Variants in DCP1A observed in about 807,000 individuals in gnomAD.
DCP1A encodes mRNA-decapping enzyme 1A.
A neutral mutation model predicts 58.0 loss-of-function variants in DCP1A; 20 were observed. That is an observed-to-expected ratio of 0.34 (90% CI 0.24 to 0.50). The LOEUF (loss-of-function observed/expected upper bound fraction) is 0.50. DCP1A is among the 20% of genes least tolerant of loss of function. DCP1A has a pLI of 0.98. For synonymous variants in DCP1A, 285 were observed against 275.1 expected, an observed-to-expected ratio of 1.04 and a Z score of -0.36; for missense variants, 613 against 712.2, an observed-to-expected ratio of 0.86 and a Z score of 1.59.
In DCP1A at chr3:53,342,200, T is replaced by C; in HGVS notation, c.248A>G (p.Asn83Ser). ...ATGGAGCTGAAATTCCAAATCTTTA[T>C]TCACTGGTTCAACTAGATTGTGCAT... is the stretch of plus-strand genomic sequence containing the variant. ...LNMHNLVEPV[N>S]KDLEFQLHEP... The change falls in exon 3 of 10, where the codon AAT becomes AGT. Residue 83 changes from asparagine to serine, a missense_variant. By Grantham distance (46) the Asn-to-Ser change is conservative. This residue lies in a region of DCP1A where 65 missense variants were observed against 118.5 expected (regional missense o/e 0.55). Transcript: ENST00000610213. 14 of 1,603,896 alleles carry C rather than the reference T, an allele frequency of 8.7e-6. No homozygotes were observed. The highest frequency in any genetic ancestry group is 1.2e-5 in the Non-Finnish European group (14 of 1,173,810).
In DCP1A at chr3:53,304,164, T is replaced by C. The variant is rs1022414666; in HGVS notation, c.624+13A>G. 6.3e-7 allele frequency: 1 copy of C among 1,579,556 alleles called. No homozygotes were observed. Among genetic ancestry groups the C allele is most frequent in the East Asian group, 2.2e-5 (1 of 44,690 alleles). On this transcript the variant is annotated intron_variant, in intron 6 of 9. Transcript: ENST00000610213. Reference sequence around the variant, plus strand: ...GTTACTTAGGACAAAGCTAGAGCTTTAGCTGTACAAACCTTATCCTGTGAC... The same window carrying C: ...GTTACTTAGGACAAAGCTAGAGCTTCAGCTGTACAAACCTTATCCTGTGAC...
At chr3:53,324,090 T>C (rs77413676) in intron 3 of DCP1A, among the ~76,000 whole-genome samples, 21,232 of 152,150 alleles carry the variant, frequency 0.14, 1,670 homozygotes, top group Non-Finnish European at 0.18. Flanking sequence ...TTTGAAAAAA[T>C]ACAATATAAT....
intron 4 of DCP1A, among the ~76,000 whole-genome samples, chr3:53,314,176 G>A (rs571933829): frequency 6.6e-6 from 1 of 152,132 alleles, no homozygotes. Context: ...TTATAGACAT[G>A]AGCCACCACA....
chr3:53,322,610 G>A (rs1048339760), intron 3 of DCP1A, among the ~76,000 whole-genome samples: 4 of 151,932 alleles, frequency 2.6e-5, no homozygotes, highest in Admixed American at 2.6e-4. Flanking sequence ...TCATGAACAA[G>A]AATTTTTTTT....
In DCP1A at chr3:53,346,753, T is replaced by C. The variant is rs138363289; in HGVS notation, c.135+630A>G. Among the ~76,000 whole-genome samples the C allele has an allele frequency of 3.4e-3, 519 of 152,186 alleles. 2 individuals carry two copies. The highest frequency in any genetic ancestry group is 0.011 in the African/African-American group (476 of 41,524). ...TGGAACAAAACACATTTACAGGGTC[T>C]CTCTTGTTTGTACAAAGGTCTTCGG... On this transcript the variant is annotated intron_variant, in intron 1 of 9. Transcript: ENST00000610213.
Position 53,287,561 on chromosome 3 carries a change from TAG to T in DCP1A, c.*17_*18del, listed in dbSNP as rs1553685274. ...GTCTCTGAGGCTGGGGCTCTGCCTT[TAG>T]ACTTATTCTGCTCCAGTCATAGGTT... On this transcript the variant is annotated 3_prime_UTR_variant, in exon 10 of 10. Coordinates refer to ENST00000610213, the MANE Select transcript of DCP1A (RefSeq NM_018403.7). The T allele has an allele frequency of 2.5e-6, 4 of 1,569,814 alleles. No individual in the cohort carries two copies. The highest frequency in any genetic ancestry group is 3.5e-6 in the Non-Finnish European group (4 of 1,140,070).
In DCP1A at chr3:53,347,505, T is replaced by G; in HGVS notation, c.13A>C (p.Ser5Arg). 6.2e-7 allele frequency: 1 copy of G among 1,612,104 alleles called. No homozygotes were observed. The highest frequency in any genetic ancestry group is 2.2e-5 in the East Asian group (1 of 44,668). ...AGGCTCATCTCCTGCCCAGCTCGAC[T>G]CAGCGCCTCCATCTTGAATCCCAGA... MEAL[S>R]RAGQEMSLAA... Residue 5 changes from serine to arginine, a missense_variant, in exon 1 of 10, where the codon AGT becomes CGT. Around this residue, in one of 3 missense-constraint regions of DCP1A, gnomAD observed 50 missense variants for 37.0 expected, o/e 1.35. Transcript: ENST00000610213.
chr3:53,317,455 G>C (rs1182130821), intron 4 of DCP1A, among the ~76,000 whole-genome samples: 2 of 152,130 alleles, frequency 1.3e-5, no homozygotes, highest in Admixed American at 1.3e-4. Context: ...GTGAGCCACC[G>C]CGCCCAGCCA....
In DCP1A at chr3:53,328,324, T is replaced by C. The variant is rs144697883; in HGVS notation, c.305-8851A>G. Among the ~76,000 whole-genome samples the C allele has an allele frequency of 2.1e-4, 32 of 152,306 alleles. 1 individual carries two copies. The highest frequency in any genetic ancestry group is 1.5e-3 in the East Asian group (8 of 5,180). On this transcript the variant is annotated intron_variant, in intron 3 of 9. Coordinates refer to ENST00000610213, the MANE Select transcript of DCP1A (RefSeq NM_018403.7). ...ATTTTTACCTACACAGATAACTTCA[T>C]TGTGTAAACAGAAGGTGAAAACCTA...
chr3:53,290,150 A>C (rs1706801115), intron 8 of DCP1A, among the ~76,000 whole-genome samples: 1 of 152,114 alleles, frequency 6.6e-6, no homozygotes, highest in Non-Finnish European at 1.5e-5. Flanking sequence ...GCTAAAAAAA[A>C]ACCTGTGTGC....
chr3:53,306,894 G>C (rs1707492525), intron 5 of DCP1A, among the ~76,000 whole-genome samples: 1 of 149,192 alleles, frequency 6.7e-6, no homozygotes, highest in South Asian at 2.1e-4. Context: ...TTTTTTTGTA[G>C]AGATGGGACT....
At chr3:53,301,363 C>T (rs758762851) in intron 6 of DCP1A, among the ~76,000 whole-genome samples, 12 of 151,866 alleles carry the variant, frequency 7.9e-5, no homozygotes, top group Non-Finnish European at 1.5e-4. Flanking sequence ...CCTTTGCCTC[C>T]CAGGTTCAAG....
At chr3:53,341,603 T>G (rs1189088298) in intron 3 of DCP1A, among the ~76,000 whole-genome samples, 5 of 152,188 alleles carry the variant, frequency 3.3e-5, no homozygotes, top group African/African-American at 1.2e-4. Flanking sequence ...AACAAAGGCA[T>G]AAACCTTATT....
Position 53,287,425 on chromosome 3 carries a change from G to A in DCP1A, c.*155C>T, listed in dbSNP as rs35103194. On this transcript the variant is annotated 3_prime_UTR_variant, in exon 10 of 10. Transcript: ENST00000610213. ...ACAGTGAAACCTCCATTATCACTGA[G>A]AATGTCACTTGGAAAACATTCTTAA... 2.0e-4 allele frequency: 55 copies of A among 281,744 alleles called. No individual in the cohort carries two copies. The highest frequency in any genetic ancestry group is 3.6e-4 in the Non-Finnish European group (54 of 148,878). The allele number at this position is 281,744 out of a possible 1,614,324, so 17.5% of individuals were successfully genotyped here.
chr3:53,344,487 T>C (rs2089267149), intron 2 of DCP1A, among the ~76,000 whole-genome samples: 1 of 152,064 alleles, frequency 6.6e-6, no homozygotes, highest in African/African-American at 2.4e-5. Context: ...ACAGAACCAG[T>C]CATAAAAGAC....
At chr3:53,321,601 C>T (rs1553689960) in intron 3 of DCP1A, among the ~76,000 whole-genome samples, 1 of 152,130 alleles carries the variant, frequency 6.6e-6, no homozygotes, top group Non-Finnish European at 1.5e-5. Flanking sequence ...TGCCCGTAAT[C>T]CCAGCTACTC....
intron 1 of DCP1A, among the ~76,000 whole-genome samples, chr3:53,345,833 TACTATA>T (rs1300727287): frequency 2.0e-5 from 3 of 152,160 alleles, no homozygotes; most frequent in African/African-American, 7.2e-5. Context: ...GTTAGGTTAT[TACTATA>T]AGAAACTGGT....
intron 3 of DCP1A, among the ~76,000 whole-genome samples, chr3:53,331,798 C>T (rs1427825025): frequency 6.6e-6 from 1 of 152,202 alleles, no homozygotes; most frequent in South Asian, 2.1e-4. Context: ...AAAAAGATTC[C>T]CCATTACTAC....
At chr3:53,317,746 T>C (rs1707854730) in intron 4 of DCP1A, among the ~76,000 whole-genome samples, 1 of 152,132 alleles carries the variant, frequency 6.6e-6, no homozygotes, top group Admixed American at 6.5e-5. Context: ...AGAAAAAGTG[T>C]TCTAAAAACA....
Sources: allele counts gnomAD v4.1 joint callset (sites outside exome capture counted in the v4.1 genomes callset), GRCh38; gene constraint gnomAD v4.1.1; regional missense constraint gnomAD v4.1.1; transcripts MANE v1.5; gene names NCBI Gene and HGNC (gene_info 2026-07-23, HGNC 2026-07-21).